The following CCNJL variants were observed in gnomAD, a reference collection of about 807,000 sequenced individuals.
CCNJL encodes cyclin-J-like protein.
CCNJL carries 33 observed loss-of-function variants against 33.4 expected under a neutral mutation model. The observed-to-expected ratio is 0.99, with a 90% CI of 0.75 to 1.32. The LOEUF (loss-of-function observed/expected upper bound fraction) is 1.32, where lower values mean the gene tolerates loss of function less well. Ranked by LOEUF, CCNJL falls within the 40% of genes most tolerant of loss-of-function variation. The pLI, the probability that CCNJL is intolerant of heterozygous loss-of-function variation, is 0.00. For synonymous variants in CCNJL, 227 were observed against 220.9 expected, an observed-to-expected ratio of 1.03 and a Z score of -0.24; for missense variants, 512 against 499.7, an observed-to-expected ratio of 1.02 and a Z score of -0.23.
At chr5:160,303,216 T>C (rs1394836750) in intron 2 of CCNJL, among the ~76,000 whole-genome samples, 1 of 152,170 alleles carries the variant, frequency 6.6e-6, no homozygotes, top group East Asian at 1.9e-4. Flanking sequence ...ATTTATTTAT[T>C]TTTTTTGAGA....
intron 3 of CCNJL, among the ~76,000 whole-genome samples, chr5:160,270,140 G>A (rs1761772997): frequency 6.7e-6 from 1 of 149,806 alleles, no homozygotes; most frequent in Admixed American, 6.7e-5. Flanking sequence ...GCAAAACCTT[G>A]TCTCTACCAA....
chr5:160,313,545 GAA>G (rs920082091), upstream of CCNJL, among the ~76,000 whole-genome samples: 3 of 151,162 alleles, frequency 2.0e-5, no homozygotes, highest in Non-Finnish European at 3.0e-5. Context: ...ACACACCTGG[GAA>G]AAAAAAATTA....
Position 160,280,769 on chromosome 5 carries a change from G to C in CCNJL, c.67-31C>G. 3 of 1,451,348 alleles carry C rather than the reference G, an allele frequency of 2.1e-6. No homozygotes were observed. The African/African-American group carries it at 4.2e-5, about 20-fold the overall frequency. The allele number at this position is 1,451,348 out of a possible 1,614,324, so 89.9% of individuals were successfully genotyped here. ...GGACAGGCGGGGCGGAGGGGTGACGGTCAGGGCTGCCTCCTGAGAGTCTCG... is the reference window on the plus strand; with the variant it reads ...GGACAGGCGGGGCGGAGGGGTGACGCTCAGGGCTGCCTCCTGAGAGTCTCG... On this transcript the variant is annotated intron_variant, in intron 2 of 5. Coordinates refer to ENST00000257536, the MANE Select transcript of CCNJL (RefSeq NM_001308173.3).
chr5:160,316,390 C>A, upstream of CCNJL, among the ~76,000 whole-genome samples: 1 of 151,532 alleles, frequency 6.6e-6, no homozygotes. Flanking sequence ...CAAGTGCATT[C>A]TACTTATCTT....
chr5:160,280,631 T>C lies in CCNJL; in HGVS notation c.174A>G (p.Ala58=). 1.2e-6 allele frequency: 2 copies of C among 1,613,628 alleles called. No homozygotes were observed. Among genetic ancestry groups the C allele is most frequent in the Non-Finnish European group, 8.5e-7 (1 of 1,179,972 alleles). Residue 58 remains alanine, a synonymous_variant, in exon 3 of 6, where the codon GCA becomes GCG. Coordinates refer to ENST00000257536, the MANE Select transcript of CCNJL (RefSeq NM_001308173.3). ...GCAGGTAGACGGCCAGGTGCCGGGC[T>C]GCAGGGCAGAGCTGGCAGTGGCTGC... is the stretch of plus-strand genomic sequence containing the variant. ...LLSSHCQLCP[A]ARHLAVYLLD...
At chr5:160,302,374 A>G (rs115199191) in intron 2 of CCNJL, among the ~76,000 whole-genome samples, 3,938 of 152,328 alleles carry the variant, frequency 0.026, 72 homozygotes, top group Non-Finnish European at 0.04. Flanking sequence ...AAAATGACCA[A>G]AAGGAAATCT....
chr5:160,267,087 C>T (rs965357244), intron 3 of CCNJL, among the ~76,000 whole-genome samples: 1 of 152,208 alleles, frequency 6.6e-6, no homozygotes, highest in East Asian at 1.9e-4. Context: ...AATCCACACA[C>T]CAGGATGTGA....
intron 2 of CCNJL, among the ~76,000 whole-genome samples, chr5:160,291,451 T>C (rs1357549336): frequency 6.6e-6 from 1 of 152,146 alleles, no homozygotes. Context: ...AAAAAAATAA[T>C]ATAACTTTGG....
chr5:160,328,270 A>G (rs572241515), intron 1 of CCNJL, among the ~76,000 whole-genome samples: 2 of 152,346 alleles, frequency 1.3e-5, no homozygotes, highest in East Asian at 1.9e-4. Flanking sequence ...CAGGAGGAAC[A>G]GGGATTAATC....
chr5:160,284,610 A>C (rs1017137713), intron 2 of CCNJL, among the ~76,000 whole-genome samples: 2 of 152,218 alleles, frequency 1.3e-5, no homozygotes, highest in South Asian at 4.1e-4. Flanking sequence ...TGCCTCCTGA[A>C]AGTGAGGCTT....
rs1561812547 is a variant in CCNJL at position 160,320,849 on chromosome 5, C to CT, written n.207-5345_207-5344insA. ...TCTTTCTTTCTTTCTTTCTTTCTTT[C>CT]CTTCTTTCTTTCTTTCTTTCTCTCT... On this transcript the variant is annotated intron_variant and non_coding_transcript_variant, in intron 1 of 7. Transcript: ENST00000377503. Among the ~76,000 whole-genome samples the CT allele has an allele frequency of 7.4e-3, 471 of 63,338 alleles. 9 individuals carry two copies. The highest frequency in any genetic ancestry group is 0.022 in the African/African-American group (430 of 19,170). 41.6% of individuals were successfully genotyped at this position (63,338 alleles called of 152,430 possible).
chr5:160,282,212 T>C (rs893005042), intron 2 of CCNJL, among the ~76,000 whole-genome samples: 2 of 152,192 alleles, frequency 1.3e-5, no homozygotes, highest in Admixed American at 1.3e-4. Context: ...CATTCATTCA[T>C]TCATTCATTC....
chr5:160,299,570 T>C (rs1294421447), intron 2 of CCNJL, among the ~76,000 whole-genome samples: 1 of 151,906 alleles, frequency 6.6e-6, no homozygotes, highest in African/African-American at 2.4e-5. Flanking sequence ...TAATGAATTA[T>C]TGGTAATTAT....
intron 2 of CCNJL, among the ~76,000 whole-genome samples, chr5:160,290,145 G>A (rs1346910560): frequency 2.0e-5 from 3 of 152,108 alleles, no homozygotes; most frequent in South Asian, 2.1e-4. Flanking sequence ...TGAAGTCCTC[G>A]GTTTAACTTT....
chr5:160,259,417 C>G, intron 4 of CCNJL, 52 bp downstream of exon 4: 2 of 1,555,726 alleles, frequency 1.3e-6, no homozygotes, highest in Non-Finnish European at 1.7e-6. Flanking sequence ...ACCCCGACCC[C>G]TGGGTGGTGG....
At chr5:160,287,317 C>A (rs1053620179) in intron 2 of CCNJL, among the ~76,000 whole-genome samples, 1 of 152,170 alleles carries the variant, frequency 6.6e-6, no homozygotes, top group African/African-American at 2.4e-5. Flanking sequence ...TTCAAAGAAA[C>A]CTGCTTTGAG....
At chr5:160,305,320 T>C (rs1353966810) in intron 2 of CCNJL, among the ~76,000 whole-genome samples, 1 of 152,220 alleles carries the variant, frequency 6.6e-6, no homozygotes, top group Non-Finnish European at 1.5e-5. Flanking sequence ...ACTATCCAGC[T>C]GTCAGAGTTC....
chr5:160,263,641 G>A (rs891572167), intron 3 of CCNJL, among the ~76,000 whole-genome samples: 1 of 152,168 alleles, frequency 6.6e-6, no homozygotes, highest in South Asian at 2.1e-4. Flanking sequence ...CCTAGGAAAC[G>A]TCACTTTGTC....
chr5:160,303,201 TTTTCA>T (rs1430126049), intron 2 of CCNJL, among the ~76,000 whole-genome samples: 2 of 152,348 alleles, frequency 1.3e-5, no homozygotes, highest in South Asian at 4.1e-4. Context: ...GGTATTTTCC[TTTTCA>T]TTTATTTATT....
Sources: gnomAD v4.1 joint callset for allele counts (sites outside exome capture counted in the v4.1 genomes callset) on GRCh38, gnomAD v4.1.1 for gene constraint, MANE v1.5 for transcripts, NCBI Gene and HGNC (gene_info 2026-07-23, HGNC 2026-07-21) for gene names.